TENM3: variants seen among roughly 807,000 people sequenced by gnomAD.
The protein encoded by TENM3 is teneurin-3.
In TENM3, 63 loss-of-function variants were observed where a neutral mutation model predicts 255.1. The observed-to-expected ratio is 0.25, with a 90% CI of 0.20 to 0.30. TENM3 has a LOEUF of 0.30. Ranked by LOEUF, TENM3 falls within the 10% of genes least tolerant of loss-of-function variation. TENM3 has a pLI of 1.00. For missense variants in TENM3, 2,929 were observed against 3,461.1 expected (o/e 0.85, Z 3.86); for synonymous variants, 1,306 against 1,322.3 (o/e 0.99, Z 0.27).
the TENM3 span, among the ~76,000 whole-genome samples, chr4:181,945,920 A>T: frequency 6.6e-6 from 1 of 151,730 alleles, no homozygotes; most frequent in Non-Finnish European, 1.5e-5. Context: ...AGAAATATAT[A>T]TACACACATA....
chr4:181,767,494 A>G, the TENM3 span, among the ~76,000 whole-genome samples: 1 of 152,048 alleles, frequency 6.6e-6, no homozygotes, highest in Non-Finnish European at 1.5e-5. Context: ...ATACATTATA[A>G]TTTCCGTTGA....
the TENM3 span, among the ~76,000 whole-genome samples, chr4:182,123,155 ATTG>A: frequency 9.9e-5 from 15 of 151,846 alleles, no homozygotes; most frequent in Non-Finnish European, 1.5e-4. Context: ...TTTTGTTGTT[ATTG>A]TTGTTGTTGT....
chr4:182,057,491 G>C, the TENM3 span, among the ~76,000 whole-genome samples: 1 of 149,402 alleles, frequency 6.7e-6, no homozygotes, highest in Non-Finnish European at 1.5e-5. Context: ...GCTCACTGCA[G>C]CCTTGAATTC....
At chr4:181,579,610 T>C in the TENM3 span, among the ~76,000 whole-genome samples, 1 of 152,210 alleles carries the variant, frequency 6.6e-6, no homozygotes, top group African/African-American at 2.4e-5. Context: ...ATTGGTCACT[T>C]TGAATTTTGA....
chr4:182,263,412 C>T (rs909167634), intron 1 of TENM3, among the ~76,000 whole-genome samples: 1 of 151,974 alleles, frequency 6.6e-6, no homozygotes, highest in Non-Finnish European at 1.5e-5. Context: ...GTTAGAGGCC[C>T]CTGAATCTTA....
intron 7 of TENM3, among the ~76,000 whole-genome samples, chr4:182,677,889 C>T (rs1376730454): frequency 1.3e-5 from 2 of 152,118 alleles, no homozygotes; most frequent in Non-Finnish European, 2.9e-5. Context: ...CTGTGATTCT[C>T]AGAAATTCCA....
intron 4 of TENM3, among the ~76,000 whole-genome samples, chr4:182,614,526 C>CT (rs901692365): frequency 6.6e-6 from 1 of 152,080 alleles, no homozygotes; most frequent in Non-Finnish European, 1.5e-5. Context: ...TTAGCTGTGT[C>CT]TTTTTAATCA....
At chr4:181,494,297 T>C in the TENM3 span, among the ~76,000 whole-genome samples, 1 of 152,188 alleles carries the variant, frequency 6.6e-6, no homozygotes, top group African/African-American at 2.4e-5. Flanking sequence ...TTGGCTTCTT[T>C]TTTTGAGACA....
intron 5 of TENM3, among the ~76,000 whole-genome samples, chr4:182,645,720 G>C (rs1473161341): frequency 6.6e-6 from 1 of 152,178 alleles, no homozygotes; most frequent in East Asian, 1.9e-4. Flanking sequence ...TCTTTATGAG[G>C]CTGCCTCATA....
the TENM3 span, among the ~76,000 whole-genome samples, chr4:182,117,505 A>T: frequency 1.3e-5 from 2 of 152,064 alleles, no homozygotes; most frequent in Non-Finnish European, 2.9e-5. Flanking sequence ...GTCTAGACTT[A>T]TTTTTTTGTA....
At chr4:181,653,110 A>G in the TENM3 span, among the ~76,000 whole-genome samples, 2 of 152,192 alleles carry the variant, frequency 1.3e-5, no homozygotes, top group Non-Finnish European at 2.9e-5. Flanking sequence ...CATGCCAGGC[A>G]CCACTCCAAA....
chr4:181,760,547 A>G, the TENM3 span, among the ~76,000 whole-genome samples: 63,145 of 151,878 alleles, frequency 0.42, 13,296 homozygotes, highest in African/African-American at 0.49. Context: ...AGTTGGGCCC[A>G]TTATGGTTAT....
chr4:182,282,330 T>A (rs1760440772), intron 1 of TENM3, among the ~76,000 whole-genome samples: 1 of 152,192 alleles, frequency 6.6e-6, no homozygotes, highest in East Asian at 1.9e-4. Flanking sequence ...GATAGTTATA[T>A]CAAGTTCTGT....
At chr4:181,844,633 A>G in the TENM3 span, among the ~76,000 whole-genome samples, 6 of 151,830 alleles carry the variant, frequency 4.0e-5, no homozygotes, top group South Asian at 2.1e-4. Context: ...ACACCACTGC[A>G]CTCCAGCCTG....
intron 3 of TENM3, among the ~76,000 whole-genome samples, chr4:182,594,738 G>A (rs1337969796): frequency 2.8e-5 from 4 of 145,040 alleles, no homozygotes; most frequent in Non-Finnish European, 4.5e-5. Flanking sequence ...GTGTTTTCCC[G>A]AGATGGAGTC....
the TENM3 span, among the ~76,000 whole-genome samples, chr4:181,650,160 G>C: frequency 6.6e-6 from 1 of 152,148 alleles, no homozygotes; most frequent in Non-Finnish European, 1.5e-5. Context: ...TATCACTCTG[G>C]CTGTTCTTAA....
At chr4:182,227,607 T>C (rs565548154) in intron 1 of TENM3, among the ~76,000 whole-genome samples, 1 of 151,782 alleles carries the variant, frequency 6.6e-6, no homozygotes, top group Admixed American at 6.6e-5. Flanking sequence ...CGCTTTAGTC[T>C]AATTTTTTTC....
the TENM3 span, among the ~76,000 whole-genome samples, chr4:181,794,283 G>C: frequency 6.6e-6 from 1 of 152,160 alleles, no homozygotes; most frequent in Admixed American, 6.5e-5. Flanking sequence ...GTGTGTGTGT[G>C]TATGTGTGTG....
At chr4:181,861,285 A>G in the TENM3 span, among the ~76,000 whole-genome samples, 4 of 152,192 alleles carry the variant, frequency 2.6e-5, no homozygotes, top group African/African-American at 7.2e-5. Context: ...CACGAAGTCA[A>G]TTCAGTCTTT....
Sources: allele counts gnomAD v4.1 joint callset (sites outside exome capture counted in the v4.1 genomes callset), GRCh38; gene constraint gnomAD v4.1.1; transcripts MANE v1.5; gene names NCBI Gene and HGNC (gene_info 2026-07-23, HGNC 2026-07-21).